The following RPGRIP1L variants were observed in gnomAD, a reference collection of about 807,000 sequenced individuals.
RPGRIP1L encodes the protein protein fantom.
Under a neutral mutation model 160.4 loss-of-function variants are expected in RPGRIP1L, and 131 were observed. The observed-to-expected ratio is 0.82, with a 90% CI of 0.71 to 0.94. The LOEUF (loss-of-function observed/expected upper bound fraction) is 0.94, where lower values mean the gene tolerates loss of function less well. Ranked by LOEUF, RPGRIP1L falls within the 40% of genes least tolerant of loss-of-function variation. The pLI is 0.00. For synonymous variants in RPGRIP1L, 510 were observed against 515.8 expected, an observed-to-expected ratio of 0.99 and a Z score of 0.15; for missense variants, 1,522 against 1,535.8, an observed-to-expected ratio of 0.99 and a Z score of 0.15.
At chr16:53,651,414 C>A (rs1221391964) in intron 15 of RPGRIP1L, among the ~76,000 whole-genome samples, 1 of 152,098 alleles carries the variant, frequency 6.6e-6, no homozygotes, top group Non-Finnish European at 1.5e-5. Flanking sequence ...CTATTCTTTC[C>A]ACAGCACTCA....
intron 14 of RPGRIP1L, among the ~76,000 whole-genome samples, chr16:53,656,224 C>T (rs1489304962): frequency 1.3e-5 from 2 of 152,076 alleles, no homozygotes; most frequent in African/African-American, 4.8e-5. Flanking sequence ...CTTTGAGAGG[C>T]CGAGGCGGGA....
In RPGRIP1L at chr16:53,674,864, A is replaced by G. The variant is rs560319214; in HGVS notation, c.882+153T>C. 2.6e-5 allele frequency among the ~76,000 whole-genome samples: 4 copies of G among 152,310 alleles called. No individual in the cohort carries two copies. The South Asian group carries it at 8.3e-4, about 32-fold the overall frequency. On this transcript the variant is annotated intron_variant, in intron 7 of 26. Transcript: ENST00000647211. ...GTTATAAATAATAAACAATATATTA[A>G]GGGAAATGATACACATTTGTGAATA...
intron 17 of RPGRIP1L, among the ~76,000 whole-genome samples, chr16:53,642,951 C>T (rs1224472772): frequency 6.6e-6 from 1 of 152,204 alleles, no homozygotes; most frequent in Non-Finnish European, 1.5e-5. Context: ...CAAGCCAAAA[C>T]ACCAGAAGGC....
intron 25 of RPGRIP1L, 77 bp from the exon 26 acceptor site, chr16:53,605,691 G>A: frequency 2.8e-6 from 4 of 1,419,172 alleles, no homozygotes; most frequent in South Asian, 1.1e-5. Context: ...CAAATGGGGT[G>A]TTATCACTAG....
rs80183272 is a variant in RPGRIP1L, at chr16:53,685,895, T to A, written c.776+538A>T. On this transcript the variant is annotated intron_variant, in intron 6 of 26. Transcript: ENST00000647211. ...TTGGAAATTATAACAAAAAAAGTTT[T>A]TTAATGTCATAGATGAAAAGGCAGC... Among the ~76,000 whole-genome samples the A allele has an allele frequency of 5.4e-3, 819 of 152,320 alleles. 2 individuals carry two copies. The highest frequency in any genetic ancestry group is 8.7e-3 in the Non-Finnish European group (591 of 68,022).
chr16:53,612,119 A>G (rs1244036896), intron 24 of RPGRIP1L, among the ~76,000 whole-genome samples: 1 of 151,916 alleles, frequency 6.6e-6, no homozygotes, highest in African/African-American at 2.4e-5. Context: ...AAAGGCACTG[A>G]GTAGGCACAA....
intron 22 of RPGRIP1L, among the ~76,000 whole-genome samples, chr16:53,625,765 A>G (rs1025215373): frequency 7.2e-5 from 11 of 152,200 alleles, no homozygotes; most frequent in African/African-American, 2.4e-4. Context: ...AGAAAGAAGA[A>G]GACATAGGAG....
chr16:53,606,984 A>G (rs936568734), intron 25 of RPGRIP1L, among the ~76,000 whole-genome samples: 26 of 152,182 alleles, frequency 1.7e-4, no homozygotes, highest in African/African-American at 6.3e-4. Flanking sequence ...CTCACAAAAT[A>G]ATTATAAAGA....
At position 53,605,485 on chromosome 16, in the gene RPGRIP1L, G is replaced by C; in HGVS notation, c.3831C>G (p.Ile1277Met). The C allele has an allele frequency of 6.2e-7, 1 of 1,614,090 alleles. No homozygotes were observed. The highest frequency in any genetic ancestry group is 8.5e-7 in the Non-Finnish European group (1 of 1,180,002). Residue 1277 changes from isoleucine (I) to methionine (M), a missense_variant, in exon 26 of 27, where the codon ATC becomes ATG. Transcript: ENST00000647211. ...QEGRDLIEQN[I>M]DVFDARADGE... ...GAGCAACACTTTCACCCATACCATCGATATTTTGCTCAATGAGGTCCCTCC... is the reference window on the plus strand; with the variant it reads ...GAGCAACACTTTCACCCATACCATCCATATTTTGCTCAATGAGGTCCCTCC...
chr16:53,695,846 C>A (rs1970713330), intron 3 of RPGRIP1L: 1 of 320,264 alleles, frequency 3.1e-6, no homozygotes, highest in Non-Finnish European at 5.8e-6. Context: ...AAAACAGATG[C>A]TTTGGCCATT....
intron 17 of RPGRIP1L, among the ~76,000 whole-genome samples, 155 bp downstream of exon 17, chr16:53,645,470 A>T (rs1241601884): frequency 6.6e-6 from 1 of 152,116 alleles, no homozygotes; most frequent in Non-Finnish European, 1.5e-5. Context: ...AGCGACTAGT[A>T]AGAAAATAAT....
Position 53,696,148 on chromosome 16 carries a change from A to G in RPGRIP1L, c.230+3T>C. 1 of 1,613,766 alleles carries G rather than the reference A, an allele frequency of 6.2e-7. No homozygotes were observed. The highest frequency in any genetic ancestry group is 8.5e-7 in the Non-Finnish European group (1 of 1,179,810). On this transcript the variant is annotated splice_donor_region_variant and intron_variant, in intron 3 of 26. Transcript: ENST00000647211. ...AAAAAAGCTAAAAGCTTTTTATCAT[A>G]ACCTTTTAATTTTATCCTCCTGCTT...
intron 5 of RPGRIP1L, 149 bp downstream of exon 5, chr16:53,687,714 T>C (rs1970116095): frequency 1.6e-6 from 1 of 619,254 alleles, no homozygotes. Flanking sequence ...TGAGAACATG[T>C]TATATAACAT....
rs1424682565 is a variant in RPGRIP1L at position 53,601,837 on chromosome 16, G to A, written c.*239C>T. ...CACGTAGGTATAAATTATTGAGAAG[G>A]TACTGCCCATTATGGAGAACTTAAG... On this transcript the variant is annotated 3_prime_UTR_variant, in exon 27 of 27. Coordinates refer to ENST00000647211, the MANE Select transcript of RPGRIP1L (RefSeq NM_015272.5). The A allele has an allele frequency of 6.1e-6, 3 of 492,392 alleles. No individual in the cohort carries two copies. The highest frequency in any genetic ancestry group is 4.5e-5 in the South Asian group (2 of 44,440). The allele number at this position is 492,392 out of a possible 1,614,324, so 30.5% of individuals were successfully genotyped here.
rs963040363 is a variant in RPGRIP1L, at chr16:53,601,794, T to C, written c.*282A>G. 2.4e-5 allele frequency: 7 copies of C among 294,678 alleles called. No homozygotes were observed. Among genetic ancestry groups the C allele is most frequent in the African/African-American group, 1.1e-4 (5 of 46,936 alleles). 18.3% of individuals were successfully genotyped at this position (294,678 alleles called of 1,614,324 possible). A position where few individuals can be genotyped will look rare whatever the true frequency, so the allele number is the denominator to read the frequency against. On this transcript the variant is annotated 3_prime_UTR_variant, in exon 27 of 27. Transcript: ENST00000647211. The stretch of plus-strand genomic sequence containing the variant: ...CCTAAGAAAATGTTGAAAATGCAAA[T>C]AGACTTTCTCACGCTATCACGTAGG...
chr16:53,626,145 T>TA (rs760491478), intron 22 of RPGRIP1L, among the ~76,000 whole-genome samples: 8,092 of 60,592 alleles, frequency 0.13, 628 homozygotes, highest in African/African-American at 0.29. Flanking sequence ...CAATAAATAC[T>TA]AAAAAAAAAA....
At chr16:53,630,592 AAT>A (rs1313384321) in intron 22 of RPGRIP1L, among the ~76,000 whole-genome samples, 3 of 152,210 alleles carry the variant, frequency 2.0e-5, no homozygotes, top group Non-Finnish European at 4.4e-5. Flanking sequence ...TGTTGAAAGA[AAT>A]AGAGTATACT....
At chr16:53,636,694 C>G (rs1425527333) in intron 21 of RPGRIP1L, among the ~76,000 whole-genome samples, 182 bp from the exon 22 acceptor site, 1 of 151,574 alleles carries the variant, frequency 6.6e-6, no homozygotes, top group Non-Finnish European at 1.5e-5. Flanking sequence ...AAAAAAAAGA[C>G]TAAAAATTTC....
Position 53,601,442 on chromosome 16 carries a change from T to C in RPGRIP1L, c.*634A>G, listed in dbSNP as rs1963374116. The C allele has an allele frequency of 6.5e-6, 1 of 152,736 alleles. No homozygotes were observed. Among genetic ancestry groups the C allele is most frequent in the African/African-American group, 2.4e-5 (1 of 41,446 alleles). The allele number at this position is 152,736 out of a possible 1,614,324, so 9.5% of individuals were successfully genotyped here. On this transcript the variant is annotated 3_prime_UTR_variant, in exon 27 of 27. Transcript: ENST00000647211. ...AGAAAGAAAGACAAAAAACTTGCAG[T>C]CATTGAATAAGTTGGTGCTAAGTTT...
Sources: gnomAD v4.1 joint callset for allele counts (sites outside exome capture counted in the v4.1 genomes callset) on GRCh38, gnomAD v4.1.1 for gene constraint, MANE v1.5 for transcripts, NCBI Gene and HGNC (gene_info 2026-07-23, HGNC 2026-07-21) for gene names.